The following LARP4B variants were observed in gnomAD, a reference collection of about 807,000 sequenced individuals.
LARP4B encodes la-related protein 4B.
In LARP4B, 12 loss-of-function variants were observed where a neutral mutation model predicts 89.8. That is an observed-to-expected ratio of 0.13 (90% CI 0.09 to 0.22). The LOEUF is 0.22. Among genes scored for constraint, LARP4B ranks in the 10% least tolerant of loss-of-function variants. The pLI, the probability that LARP4B is intolerant of heterozygous loss-of-function variation, is 1.00. For missense variants in LARP4B, 757 were observed against 947.7 expected, an observed-to-expected ratio of 0.80 and a Z score of 2.64; for synonymous variants, 367 against 363.3, an observed-to-expected ratio of 1.01 and a Z score of -0.12.
intron 5 of LARP4B, among the ~76,000 whole-genome samples, chr10:847,509 A>G (rs1261291324): frequency 6.6e-6 from 1 of 151,460 alleles, no homozygotes; most frequent in Admixed American, 6.6e-5. Flanking sequence ...TTCCTATGTG[A>G]CATGAAACTT....
chr10:945,486 A>G, the LARP4B span, among the ~76,000 whole-genome samples: 4 of 151,908 alleles, frequency 2.6e-5, no homozygotes, highest in Admixed American at 1.3e-4. Flanking sequence ...GGAGATCGAG[A>G]CCATCCTGGC....
chr10:864,016 C>T (rs569401014), intron 4 of LARP4B, 107 bp downstream of exon 4: 734 of 1,560,714 alleles, frequency 4.7e-4, no homozygotes, highest in Middle Eastern at 1.8e-3. Flanking sequence ...CTGCCACATA[C>T]CATGACACAG....
intron 9 of LARP4B, among the ~76,000 whole-genome samples, chr10:830,185 T>C (rs1167015194): frequency 6.6e-6 from 1 of 152,196 alleles, no homozygotes; most frequent in Non-Finnish European, 1.5e-5. Context: ...TAATTCTACA[T>C]TAAACCCCTA....
At position 912,321 on chromosome 10, in the gene LARP4B, C is replaced by CA. The variant is rs899370145; in HGVS notation, c.-40+19106dup. ...GAGAAAAGAAAAGAAAAAAAAATCG[C>CA]AAAAAAAAAAAATCTTCATACTGTT... On this transcript the variant is annotated intron_variant, in intron 1 of 17. Coordinates refer to ENST00000316157, the MANE Select transcript of LARP4B (RefSeq NM_015155.3). Among the ~76,000 whole-genome samples, 1,289 of 140,820 alleles carry CA rather than the reference C, an allele frequency of 9.2e-3. 19 individuals are homozygous for CA. Among genetic ancestry groups the CA allele is most frequent in the African/African-American group, 0.029 (1,122 of 38,534 alleles). 92.4% of individuals were successfully genotyped at this position (140,820 alleles called of 152,430 possible).
chr10:924,010 G>C (rs1172897018), intron 1 of LARP4B, among the ~76,000 whole-genome samples: 1 of 152,116 alleles, frequency 6.6e-6, no homozygotes, highest in Non-Finnish European at 1.5e-5. Flanking sequence ...AACACTCTGG[G>C]ACTGCTTGAA....
chr10:832,463 A>G (rs1208915249), intron 8 of LARP4B, among the ~76,000 whole-genome samples: 2 of 152,238 alleles, frequency 1.3e-5, no homozygotes, highest in Non-Finnish European at 2.9e-5. Context: ...AAAAGGACAA[A>G]AGGCAGAGGA....
intron 13 of LARP4B, among the ~76,000 whole-genome samples, chr10:821,597 A>G (rs915583074): frequency 6.6e-6 from 1 of 152,228 alleles, no homozygotes; most frequent in Non-Finnish European, 1.5e-5. Flanking sequence ...ATTCATCTCA[A>G]TGGATAATTT....
chr10:812,064 C>G lies in LARP4B; in HGVS notation c.*862G>C, dbSNP rs574301387. 1 of 152,762 alleles carries G rather than the reference C, an allele frequency of 6.5e-6. No homozygotes were observed. Among genetic ancestry groups the G allele is most frequent in the South Asian group, 2.1e-4 (1 of 4,820 alleles). The allele number at this position is 152,762 out of a possible 1,614,324, so 9.5% of individuals were successfully genotyped here. On this transcript the variant is annotated 3_prime_UTR_variant, in exon 18 of 18. Coordinates refer to ENST00000316157, the MANE Select transcript of LARP4B (RefSeq NM_015155.3). ...AGCTGAAGATGTGGACTCTCTCCAACCAGAGTGCTGGGGAACACGGACAGA... is the reference window on the plus strand; with the variant it reads ...AGCTGAAGATGTGGACTCTCTCCAAGCAGAGTGCTGGGGAACACGGACAGA...
chr10:842,877 A>G (rs1285059813), intron 7 of LARP4B, 55 bp downstream of exon 7: 2 of 1,535,130 alleles, frequency 1.3e-6, no homozygotes, highest in Non-Finnish European at 1.8e-6. Context: ...GTTCATGCTG[A>G]TAAGACAAAT....
chr10:959,910 A>C, the LARP4B span, among the ~76,000 whole-genome samples: 6 of 104,304 alleles, frequency 5.8e-5, no homozygotes, highest in African/African-American at 1.2e-4. Context: ...CCTCAATCCC[A>C]CCTCCTCCTC....
At chr10:914,847 A>G (rs1836776821) in intron 1 of LARP4B, among the ~76,000 whole-genome samples, 1 of 151,592 alleles carries the variant, frequency 6.6e-6, no homozygotes, top group Admixed American at 6.6e-5. Flanking sequence ...AAAAAAAAAA[A>G]GAGGTATAGG....
At chr10:913,898 G>C (rs1042429313) in intron 1 of LARP4B, among the ~76,000 whole-genome samples, 2 of 152,042 alleles carry the variant, frequency 1.3e-5, no homozygotes, top group African/African-American at 4.8e-5. Flanking sequence ...GACACAGTAA[G>C]GCTGGGTCTC....
the LARP4B span, among the ~76,000 whole-genome samples, chr10:937,133 C>T: frequency 2.6e-5 from 4 of 152,184 alleles, no homozygotes; most frequent in Non-Finnish European, 5.9e-5. Context: ...GTCTCGACCT[C>T]CTGGGCTCTA....
intron 1 of LARP4B, among the ~76,000 whole-genome samples, chr10:886,650 C>A (rs866883331): frequency 1.5e-4 from 23 of 152,152 alleles, no homozygotes; most frequent in Admixed American, 5.2e-4. Flanking sequence ...AAGAAGGAAA[C>A]CCCGTCGTAT....
Position 825,084 on chromosome 10 carries a change from G to A in LARP4B, c.1465C>T (p.Pro489Ser). The A allele has an allele frequency of 6.2e-7, 1 of 1,614,068 alleles. No individual in the cohort carries two copies. Among genetic ancestry groups the A allele is most frequent in the South Asian group, 1.1e-5 (1 of 91,074 alleles). Residue 489 changes from proline to serine, a missense_variant, in exon 13 of 18, where the codon CCT becomes TCT. Physicochemically the swap from Pro to Ser is moderately conservative, Grantham distance 74. Transcript: ENST00000316157. ...RVEPGSLESS[P>S]GLGRGRKNSF... The stretch of plus-strand genomic sequence containing the variant: ...ACTCACCTTCCCCTCCCTAAACCAG[G>A]AGAGGATTCGAGACTGCCTGGCTCC...
chr10:954,553 C>T, the LARP4B span, among the ~76,000 whole-genome samples: 1 of 152,094 alleles, frequency 6.6e-6, no homozygotes, highest in East Asian at 1.9e-4. This position sits in a 1 kb window ranked among gnomAD's most constrained non-coding sequence, Gnocchi z 5.0. Context: ...GGGACATGGC[C>T]TTGGCTGCCT....
intron 1 of LARP4B, among the ~76,000 whole-genome samples, chr10:890,387 A>T (rs1835979014): frequency 6.6e-6 from 1 of 152,242 alleles, no homozygotes; most frequent in African/African-American, 2.4e-5. Flanking sequence ...TAAATACGGG[A>T]TGTATGACAA....
intron 5 of LARP4B, among the ~76,000 whole-genome samples, chr10:855,226 G>A (rs1021709159): frequency 6.6e-6 from 1 of 152,096 alleles, no homozygotes; most frequent in Non-Finnish European, 1.5e-5. Flanking sequence ...TCACTGGAGG[G>A]GCACTTAATT....
chr10:917,414 G>A (rs1438395340), intron 1 of LARP4B, among the ~76,000 whole-genome samples: 3 of 152,058 alleles, frequency 2.0e-5, no homozygotes, highest in South Asian at 2.1e-4. Flanking sequence ...AATAAAAACC[G>A]GTTTATTGTA....
Sources: gnomAD v4.1 joint callset for allele counts (sites outside exome capture counted in the v4.1 genomes callset) on GRCh38, gnomAD v4.1.1 for gene constraint, Gnocchi (gnomAD v3.1) non-coding constraint, MANE v1.5 for transcripts, NCBI Gene and HGNC (gene_info 2026-07-23, HGNC 2026-07-21) for gene names.